Variants in EML4 observed in about 807,000 individuals in gnomAD.
The protein encoded by EML4 is EMAP like 4, also known as echinoderm microtubule-associated protein-like 4.
A neutral mutation model predicts 129.0 loss-of-function variants in EML4; 72 were observed. The observed-to-expected ratio is 0.56, with a 90% CI of 0.46 to 0.68. EML4 has a LOEUF of 0.68. Among genes scored for constraint, EML4 ranks in the 30% least tolerant of loss-of-function variants. EML4 has a pLI of 0.00. For synonymous variants in EML4, 532 were observed against 405.0 expected (o/e 1.31, Z -3.77); for missense variants, 1,363 against 1,190.6 (o/e 1.14, Z -2.13).
chr2:42,266,024 CTA>C (rs753665543), intron 6 of EML4, among the ~76,000 whole-genome samples: 2 of 152,122 alleles, frequency 1.3e-5, no homozygotes, highest in Non-Finnish European at 2.9e-5. Flanking sequence ...CAGCTCATTT[CTA>C]TGTTTCATAG....
At chr2:42,214,708 A>T (rs973737029) in intron 1 of EML4, among the ~76,000 whole-genome samples, 1 of 152,108 alleles carries the variant, frequency 6.6e-6, no homozygotes, top group Non-Finnish European at 1.5e-5. Context: ...TACCTTTTGC[A>T]TGTCTGGTGC....
intron 1 of EML4, among the ~76,000 whole-genome samples, chr2:42,195,077 T>C (rs967995096): frequency 2.0e-5 from 3 of 152,222 alleles, no homozygotes; most frequent in African/African-American, 4.8e-5. Flanking sequence ...TCATTGATTA[T>C]AGAAGCTGTA....
intron 1 of EML4, among the ~76,000 whole-genome samples, chr2:42,237,834 C>T (rs1019116677): frequency 1.3e-5 from 2 of 152,176 alleles, no homozygotes; most frequent in Non-Finnish European, 2.9e-5. Flanking sequence ...AACTACTCAA[C>T]ATGAGTTGAG....
At chr2:42,216,827 C>G (rs1572561375) in intron 1 of EML4, among the ~76,000 whole-genome samples, 1 of 152,256 alleles carries the variant, frequency 6.6e-6, no homozygotes, top group Middle Eastern at 3.4e-3. Context: ...TTAAATACTG[C>G]TTATTGTCTA....
chr2:42,236,114 A>G (rs1674659990), intron 1 of EML4, among the ~76,000 whole-genome samples: 1 of 152,172 alleles, frequency 6.6e-6, no homozygotes, highest in South Asian at 2.1e-4. Context: ...TTTTGTGTAT[A>G]TCATTCCCTT....
At position 42,330,672 on chromosome 2, in the gene EML4, G is replaced by T. The variant is rs930740123; in HGVS notation, c.*465G>T. 36 of 254,540 alleles carry T rather than the reference G, an allele frequency of 1.4e-4. No individual in the cohort carries two copies. Among genetic ancestry groups the T allele is most frequent in the African/African-American group, 7.7e-4 (33 of 42,944 alleles). The allele number at this position is 254,540 out of a possible 1,614,324, so 15.8% of individuals were successfully genotyped here. On this transcript the variant is annotated 3_prime_UTR_variant, in exon 23 of 23. Coordinates refer to ENST00000318522, the MANE Select transcript of EML4 (RefSeq NM_019063.5). ...AACCAGAAAAAAATGTACTCTTACT[G>T]AGATACCCTCTCACCCCAAATGTGT...
chr2:42,313,978 T>C (rs935986975), intron 17 of EML4, among the ~76,000 whole-genome samples: 7 of 151,622 alleles, frequency 4.6e-5, no homozygotes. Flanking sequence ...TTTTATTGGC[T>C]TACATTAGTG....
At chr2:42,262,882 A>G (rs1366528849) in intron 4 of EML4, among the ~76,000 whole-genome samples, 1 of 152,236 alleles carries the variant, frequency 6.6e-6, no homozygotes, top group African/African-American at 2.4e-5. Context: ...ATTATAAGAA[A>G]CATTACTCAG....
chr2:42,218,640 C>T (rs762229264), intron 1 of EML4, among the ~76,000 whole-genome samples: 2 of 152,064 alleles, frequency 1.3e-5, no homozygotes, highest in African/African-American at 2.4e-5. Flanking sequence ...TAAATTTGCC[C>T]TATCATAGTT....
At chr2:42,246,778 C>T (rs1484958535) in intron 2 of EML4, among the ~76,000 whole-genome samples, 1 of 152,172 alleles carries the variant, frequency 6.6e-6, no homozygotes, top group Non-Finnish European at 1.5e-5. Flanking sequence ...TCCAACATTT[C>T]AGCATAGCAC....
At chr2:42,243,676 G>C (rs1675184204) in intron 1 of EML4, among the ~76,000 whole-genome samples, 1 of 152,186 alleles carries the variant, frequency 6.6e-6, no homozygotes, top group South Asian at 2.1e-4. Context: ...AAGACTGTCA[G>C]TGAAATACCA....
chr2:42,318,062 A>G (rs917700183), intron 19 of EML4, among the ~76,000 whole-genome samples: 3 of 152,378 alleles, frequency 2.0e-5, no homozygotes, highest in South Asian at 2.1e-4. Flanking sequence ...TAAGCATGAC[A>G]AGTACTGAAT....
At chr2:42,277,689 C>A (rs1666735432) in intron 6 of EML4, among the ~76,000 whole-genome samples, 1 of 152,034 alleles carries the variant, frequency 6.6e-6, no homozygotes, top group African/African-American at 2.4e-5. Flanking sequence ...CTGCCTCAGC[C>A]TTCCGAGTAG....
At chr2:42,321,843 A>G (rs756974061) in intron 19 of EML4, among the ~76,000 whole-genome samples, 3 of 152,228 alleles carry the variant, frequency 2.0e-5, no homozygotes, top group Non-Finnish European at 4.4e-5. Flanking sequence ...AGCAACAAAA[A>G]CTAGATGCTT....
At chr2:42,298,771 CG>C (rs1558588029) in intron 13 of EML4, among the ~76,000 whole-genome samples, 1 of 151,852 alleles carries the variant, frequency 6.6e-6, no homozygotes, top group Non-Finnish European at 1.5e-5. Context: ...TTTAGAAATA[CG>C]GAAAGCAGAC....
chr2:42,312,196 C>G (rs1337133376), intron 17 of EML4, among the ~76,000 whole-genome samples: 2 of 152,084 alleles, frequency 1.3e-5, no homozygotes, highest in Non-Finnish European at 2.9e-5. Flanking sequence ...CACAAAATTA[C>G]TAAAATTTAT....
rs10172047 is a variant in EML4 at position 42,175,203 on chromosome 2, C to T, written c.25+5567C>T. 1.0e-3 allele frequency among the ~76,000 whole-genome samples: 156 copies of T among 151,738 alleles called. 1 individual carries two copies. Among genetic ancestry groups the T allele is most frequent in the African/African-American group, 3.6e-3 (150 of 41,516 alleles). On this transcript the variant is annotated intron_variant, in intron 1 of 22. Coordinates refer to ENST00000318522, the MANE Select transcript of EML4 (RefSeq NM_019063.5). ...TGTTGGCTCACTGCAGCCTCTGCCT[C>T]CCGTGTTCAAGCTATTCTCCTGCCT... is the stretch of plus-strand genomic sequence containing the variant.
At chr2:42,245,109 T>TTTTTTTTTTTTTTTTTTTG in intron 1 of EML4, among the ~76,000 whole-genome samples, 1 of 138,200 alleles carries the variant, frequency 7.2e-6, no homozygotes, top group Non-Finnish European at 1.5e-5. Flanking sequence ...TTTTTTTTTT[T>TTTTTTTTTTTTTTTTTTTG]TTTGAGACAG....
intron 2 of EML4, 128 bp from the exon 3 acceptor site, chr2:42,256,373 T>A (rs1676150596): frequency 3.5e-6 from 3 of 849,748 alleles, no homozygotes; most frequent in Non-Finnish European, 5.3e-6. Context: ...TGCTCAAGAG[T>A]TATAAACAAT....
Sources: gnomAD v4.1 joint callset for allele counts (sites outside exome capture counted in the v4.1 genomes callset) on GRCh38, gnomAD v4.1.1 for gene constraint, MANE v1.5 for transcripts, NCBI Gene and HGNC (gene_info 2026-07-23, HGNC 2026-07-21) for gene names.